Variants in SPATS2L observed in about 807,000 individuals in gnomAD.
SPATS2L encodes spermatogenesis associated serine rich 2 like, also known as SPATS2-like protein.
A neutral mutation model predicts 59.6 loss-of-function variants in SPATS2L; 30 were observed. That is an observed-to-expected ratio of 0.50 (90% confidence interval 0.38 to 0.68). The LOEUF is 0.68. Among genes scored for constraint, SPATS2L ranks in the 30% least tolerant of loss-of-function variants. The pLI, the probability that SPATS2L is intolerant of heterozygous loss-of-function variation, is 0.00. For synonymous variants in SPATS2L, 252 were observed against 263.5 expected (o/e 0.96, Z 0.42); for missense variants, 615 against 700.0 (o/e 0.88, Z 1.37).
chr2:200,447,876 G>A (rs1340046979), intron 8 of SPATS2L, among the ~76,000 whole-genome samples: 8 of 152,206 alleles, frequency 5.3e-5, no homozygotes, highest in Admixed American at 5.2e-4. Context: ...TCAGGAATGT[G>A]TTAAACAATT....
Position 200,389,260 on chromosome 2 carries a change from A to G in SPATS2L, c.16A>G (p.Thr6Ala). 1 of 1,584,936 alleles carries G rather than the reference A, an allele frequency of 6.3e-7. No homozygotes were observed. Among genetic ancestry groups the G allele is most frequent in the African/African-American group, 1.3e-5 (1 of 74,620 alleles). ...TAGAAGCAAGATGGCTGAACTCAAT[A>G]CTCATGTGAATGTCAAGGAAAAGGT... MAELN[T>A]HVNVKEKIYA... Residue 6 changes from threonine to alanine, a missense_variant, in exon 3 of 13, where the codon ACT (threonine) becomes GCT (alanine). By Grantham distance (58) the Thr-to-Ala change is moderately conservative. Transcript: ENST00000409140.
chr2:200,332,296 G>A lies in SPATS2L; in HGVS notation c.-23+2816G>A, dbSNP rs572243363. Among the ~76,000 whole-genome samples, 10 of 152,100 alleles carry A rather than the reference G, an allele frequency of 6.6e-5. No homozygotes were observed. The East Asian group carries it at 1.9e-3, about 29-fold the overall frequency. ...GTCTCACTCTGTCACCTGGGTTGGAGTGCAGTGGCGCCAACACAGCTCACT... is the reference window on the plus strand; with the variant it reads ...GTCTCACTCTGTCACCTGGGTTGGAATGCAGTGGCGCCAACACAGCTCACT... On this transcript the variant is annotated intron_variant, in intron 2 of 12. Transcript: ENST00000409140.
At chr2:200,465,820 C>T (rs931960588) in intron 9 of SPATS2L, among the ~76,000 whole-genome samples, 3 of 152,168 alleles carry the variant, frequency 2.0e-5, no homozygotes, top group Non-Finnish European at 4.4e-5. Context: ...ATCACGAGGT[C>T]AGGAGATCAA....
In SPATS2L at chr2:200,472,826, T is replaced by C. The variant is rs1245482086; in HGVS notation, c.1061-6T>C. On this transcript the variant is annotated splice_region_variant and splice_polypyrimidine_tract_variant and intron_variant, in intron 11 of 12. Coordinates refer to ENST00000409140, the MANE Select transcript of SPATS2L (RefSeq NM_001100423.2). ...GCTCGTAACACTGAGCACTTTATTA[T>C]TGCAGTTACACATCCAAAGAACAAC... The C allele has an allele frequency of 6.2e-7, 1 of 1,613,464 alleles. No individual in the cohort carries two copies. Among genetic ancestry groups the C allele is most frequent in the African/African-American group, 1.3e-5 (1 of 74,898 alleles).
At chr2:200,341,691 ATT>A (rs56132248) in intron 2 of SPATS2L, among the ~76,000 whole-genome samples, 3 of 141,010 alleles carry the variant, frequency 2.1e-5, no homozygotes. Flanking sequence ...ATTAACTATA[ATT>A]TTTTTTTTTT....
chr2:200,472,975 G>T lies in SPATS2L; in HGVS notation c.1204G>T (p.Ala402Ser), dbSNP rs1559166243. The T allele has an allele frequency of 1.9e-6, 3 of 1,613,706 alleles. No individual in the cohort carries two copies. Among genetic ancestry groups the T allele is most frequent in the Non-Finnish European group, 2.5e-6 (3 of 1,179,848 alleles). Residue 402 changes from alanine to serine, a missense_variant, in exon 12 of 13, where the codon GCG becomes TCG. This residue lies in a region of SPATS2L where 284 missense variants were observed against 280.1 expected (regional missense o/e 1.01). Coordinates refer to ENST00000409140, the MANE Select transcript of SPATS2L (RefSeq NM_001100423.2). ...STHNKPSEGKAANPKMVSSLP... is the reference protein window; with the variant it reads ...STHNKPSEGKSANPKMVSSLP... Reference sequence around the variant, plus strand: ...TCACAATAAGCCCTCTGAAGGCAAAGCGGCAAACCCCAAAATGGTGAGCAG... The same window carrying T: ...TCACAATAAGCCCTCTGAAGGCAAATCGGCAAACCCCAAAATGGTGAGCAG...
At chr2:200,474,541 G>A (rs1282684699) in intron 12 of SPATS2L, among the ~76,000 whole-genome samples, 1 of 151,894 alleles carries the variant, frequency 6.6e-6, no homozygotes, top group East Asian at 1.9e-4. Flanking sequence ...GGGCTCAAGC[G>A]ATCCACCTGC....
chr2:200,385,988 G>T (rs949017473), intron 2 of SPATS2L, among the ~76,000 whole-genome samples: 1 of 152,158 alleles, frequency 6.6e-6, no homozygotes, highest in Non-Finnish European at 1.5e-5. Context: ...CACCGCACCC[G>T]GCCAACTTAC....
At chr2:200,316,698 C>T (rs752716414) in intron 1 of SPATS2L, among the ~76,000 whole-genome samples, 3 of 152,146 alleles carry the variant, frequency 2.0e-5, no homozygotes, top group African/African-American at 7.2e-5. Context: ...TGTGGAGGGA[C>T]CCCAAGTTGT....
intron 2 of SPATS2L, among the ~76,000 whole-genome samples, chr2:200,377,499 A>G (rs571666963): frequency 6.6e-6 from 1 of 152,276 alleles, no homozygotes; most frequent in East Asian, 1.9e-4. Context: ...TTCTAAGAAC[A>G]TGTAGAATGT....
chr2:200,341,947 C>T (rs1284125279), intron 2 of SPATS2L, among the ~76,000 whole-genome samples: 5 of 152,102 alleles, frequency 3.3e-5, no homozygotes, highest in Non-Finnish European at 5.9e-5. Flanking sequence ...CTCAGCCTCC[C>T]GAAGTGCTGG....
chr2:200,318,358 C>A (rs2079448901), intron 1 of SPATS2L, among the ~76,000 whole-genome samples: 1 of 152,296 alleles, frequency 6.6e-6, no homozygotes, highest in African/African-American at 2.4e-5. Flanking sequence ...ATTGATCACA[C>A]CACTGTAATT....
intron 3 of SPATS2L, among the ~76,000 whole-genome samples, chr2:200,394,214 C>T (rs1010518652): frequency 5.9e-5 from 9 of 152,156 alleles, no homozygotes; most frequent in African/African-American, 1.9e-4. Flanking sequence ...TGAGTGGACC[C>T]CGTCCACCTT....
intron 9 of SPATS2L, chr2:200,460,791 AG>A (rs2086181920): frequency 6.6e-6 from 1 of 151,852 alleles, no homozygotes; most frequent in African/African-American, 2.4e-5. Context: ...TCAAAATTAA[AG>A]ATACACTAAA....
intron 5 of SPATS2L, among the ~76,000 whole-genome samples, chr2:200,416,908 A>C (rs2083084980): frequency 6.6e-6 from 1 of 152,198 alleles, no homozygotes; most frequent in African/African-American, 2.4e-5. Context: ...AGAAGAAGAA[A>C]AGAAAATGCC....
intron 8 of SPATS2L, among the ~76,000 whole-genome samples, chr2:200,445,764 GTT>G (rs11355899): frequency 0.31 from 46,799 of 151,366 alleles, 7,570 homozygotes; most frequent in East Asian, 0.42. Flanking sequence ...ATGTTGATTG[GTT>G]TTTTTTTTCC....
chr2:200,417,045 G>A (rs1356865812), intron 5 of SPATS2L, among the ~76,000 whole-genome samples: 1 of 152,196 alleles, frequency 6.6e-6, no homozygotes, highest in Non-Finnish European at 1.5e-5. Flanking sequence ...CAAAGGGCCT[G>A]GGATTTCTGG....
chr2:200,419,631 G>A, intron 6 of SPATS2L, 135 bp downstream of exon 6: 2 of 987,034 alleles, frequency 2.0e-6, no homozygotes, highest in South Asian at 1.7e-5. Flanking sequence ...CAGCCTTCCT[G>A]AAGCCAGGAT....
chr2:200,334,916 C>T (rs1048879057), intron 2 of SPATS2L, among the ~76,000 whole-genome samples: 7 of 152,116 alleles, frequency 4.6e-5, no homozygotes, highest in South Asian at 2.1e-4. Flanking sequence ...GTTACTGTAG[C>T]CTTGTAGTAT....
Sources: gnomAD v4.1 joint callset for allele counts (sites outside exome capture counted in the v4.1 genomes callset) on GRCh38, gnomAD v4.1.1 for gene constraint, gnomAD v4.1.1 regional missense constraint, MANE v1.5 for transcripts, NCBI Gene and HGNC (gene_info 2026-07-23, HGNC 2026-07-21) for gene names.